The following ESCO1 variants were observed in gnomAD, a reference collection of about 807,000 sequenced individuals.
The protein encoded by ESCO1 is N-acetyltransferase ESCO1.
A neutral mutation model predicts 83.5 loss-of-function variants in ESCO1; 33 were observed. The ratio of observed to expected loss-of-function variants is 0.40; its 90% CI spans 0.30 to 0.53. The LOEUF is 0.53. Ranked by LOEUF, ESCO1 falls within the 20% of genes least tolerant of loss-of-function variation. ESCO1 has a pLI of 0.63. For missense variants in ESCO1, 855 were observed against 968.0 expected, an observed-to-expected ratio of 0.88 and a Z score of 1.55; for synonymous variants, 332 against 324.3, an observed-to-expected ratio of 1.02 and a Z score of -0.25.
intron 8 of ESCO1, among the ~76,000 whole-genome samples, chr18:21,558,425 CA>C (rs2038140082): frequency 6.6e-6 from 1 of 151,984 alleles, no homozygotes; most frequent in African/African-American, 2.4e-5. Flanking sequence ...ATATTTTCTA[CA>C]GAATGTTTGA....
intron 7 of ESCO1, 134 bp from the exon 8 acceptor site, chr18:21,561,124 T>C (rs2038180475): frequency 1.2e-6 from 1 of 832,634 alleles, no homozygotes; most frequent in East Asian, 3.2e-5. Context: ...TGTTAATTAC[T>C]AAAAATAACA....
At chr18:21,596,673 A>T (rs2038771950) in intron 1 of ESCO1, among the ~76,000 whole-genome samples, 1 of 152,060 alleles carries the variant, frequency 6.6e-6, no homozygotes, top group Admixed American at 6.6e-5. Flanking sequence ...TCTCCACAAA[A>T]ATATAAAAAA....
At chr18:21,562,655 T>A (rs2038203876) in intron 7 of ESCO1, among the ~76,000 whole-genome samples, 1 of 151,242 alleles carries the variant, frequency 6.6e-6, no homozygotes. Flanking sequence ...AAAAAAAAAA[T>A]CCTACTGATT....
intron 11 of ESCO1, among the ~76,000 whole-genome samples, chr18:21,531,676 A>G (rs1374264251): frequency 6.6e-5 from 10 of 151,948 alleles, no homozygotes; most frequent in African/African-American, 2.4e-4. Context: ...AAAATTGGCC[A>G]GATGCAGTGG....
At chr18:21,590,117 G>A (rs2146231324) in intron 1 of ESCO1, among the ~76,000 whole-genome samples, 2 of 151,968 alleles carry the variant, frequency 1.3e-5, no homozygotes, top group East Asian at 3.9e-4. Context: ...ATGAGCCACT[G>A]CGTCCGGCCG....
chr18:21,577,613 T>C (rs1373315824), intron 2 of ESCO1, among the ~76,000 whole-genome samples: 7 of 149,758 alleles, frequency 4.7e-5, no homozygotes, highest in African/African-American at 1.5e-4. Flanking sequence ...TGAGCCAAGA[T>C]TGCACCACTG....
At chr18:21,548,781 A>G (rs2038007417) in intron 8 of ESCO1, among the ~76,000 whole-genome samples, 1 of 152,146 alleles carries the variant, frequency 6.6e-6, no homozygotes, top group Admixed American at 6.5e-5. Context: ...CTCTACAAAA[A>G]GTAAAATAAT....
intron 8 of ESCO1, among the ~76,000 whole-genome samples, chr18:21,540,211 AATTT>A (rs2037888223): frequency 6.6e-6 from 1 of 152,184 alleles, no homozygotes; most frequent in African/African-American, 2.4e-5. Flanking sequence ...AAGGCAAGCT[AATTT>A]CTCTCTACTA....
intron 2 of ESCO1, among the ~76,000 whole-genome samples, 191 bp downstream of exon 2, chr18:21,584,119 G>A (rs949795035): frequency 1.3e-5 from 2 of 152,086 alleles, no homozygotes; most frequent in Non-Finnish European, 2.9e-5. Context: ...AGAACTACTA[G>A]ACCAAGTACC....
chr18:21,573,692 T>C lies in ESCO1; in HGVS notation c.1152A>G (p.Ser384=). ...TAGTCCAGTTGGAGTTCTTCTTGGCTGAGCTGTTTATTCCATTTAGTATAC... is the reference window on the plus strand; with the variant it reads ...TAGTCCAGTTGGAGTTCTTCTTGGCCGAGCTGTTTATTCCATTTAGTATAC... ...VKCILNGINS[S]AKKNSNWTKI... Residue 384 remains serine, a synonymous_variant, in exon 4 of 12, where the codon TCA becomes TCG. Transcript: ENST00000269214. 6.2e-7 allele frequency: 1 copy of C among 1,614,162 alleles called. No individual in the cohort carries two copies. Among genetic ancestry groups the C allele is most frequent in the Non-Finnish European group, 8.5e-7 (1 of 1,180,010 alleles).
chr18:21,588,870 AAC>A (rs2038620210), intron 1 of ESCO1, among the ~76,000 whole-genome samples: 1 of 152,172 alleles, frequency 6.6e-6, no homozygotes, highest in African/African-American at 2.4e-5. Flanking sequence ...CAAGCTGGGC[AAC>A]AGAGTGAGAC....
intron 2 of ESCO1, among the ~76,000 whole-genome samples, chr18:21,580,049 C>T (rs908976387): frequency 6.6e-6 from 1 of 151,612 alleles, no homozygotes; most frequent in African/African-American, 2.4e-5. Flanking sequence ...GCACGCACCA[C>T]CACACCCAGC....
rs530277173 is a variant in ESCO1, at chr18:21,538,002, TA to T, written c.2044-1818del. On this transcript the variant is annotated intron_variant, in intron 9 of 11. Transcript: ENST00000269214. ...AGATGAACCATGTAGCCTAGAAACATAAAAAAAAAAAAATCAAGAAAAGGTT... is the reference window on the plus strand; with the variant it reads ...AGATGAACCATGTAGCCTAGAAACATAAAAAAAAAAAATCAAGAAAAGGTT... Among the ~76,000 whole-genome samples, 689 of 136,406 alleles carry T rather than the reference TA, an allele frequency of 5.1e-3. 4 individuals are homozygous for T. Among genetic ancestry groups the T allele is most frequent in the Middle Eastern group, 0.012 (3 of 260 alleles). The allele number at this position is 136,406 out of a possible 152,430, so 89.5% of individuals were successfully genotyped here.
intron 2 of ESCO1, among the ~76,000 whole-genome samples, chr18:21,579,794 GCACACACACACA>G (rs765904584): frequency 0.034 from 1,276 of 37,144 alleles, 29 homozygotes; most frequent in Non-Finnish European, 0.06. Flanking sequence ...ACGCGCGCGC[GCACACACACACA>G]CACACACACA....
rs532721263 is a variant in ESCO1, at chr18:21,532,359, T to C, written c.2375+114A>G. 2.6e-6 allele frequency: 3 copies of C among 1,172,212 alleles called. No homozygotes were observed. The South Asian group carries it at 5.0e-5, about 19-fold the overall frequency. 72.6% of individuals were successfully genotyped at this position (1,172,212 alleles called of 1,614,324 possible). On this transcript the variant is annotated intron_variant, in intron 11 of 11. Transcript: ENST00000269214. ...CACTGATAACCTCATGCAAAATTTG[T>C]AATTAATACAAATAAAGATTATACG... is the stretch of plus-strand genomic sequence containing the variant.
chr18:21,592,993 G>C (rs1300968534), intron 1 of ESCO1: 1 of 163,176 alleles, frequency 6.1e-6, no homozygotes, highest in East Asian at 1.9e-4. Context: ...TCAGACGATG[G>C]GCGGCCGGGC....
intron 10 of ESCO1, 74 bp from the exon 11 acceptor site, chr18:21,532,734 C>T: frequency 1.4e-6 from 2 of 1,419,214 alleles, no homozygotes; most frequent in South Asian, 1.4e-5. Flanking sequence ...CTGGTTGAGG[C>T]GGTTATGACA....
At chr18:21,594,963 G>A (rs1021550010) in intron 1 of ESCO1, among the ~76,000 whole-genome samples, 2 of 143,250 alleles carry the variant, frequency 1.4e-5, no homozygotes, top group Non-Finnish European at 3.1e-5. Flanking sequence ...GTGTGTGTGT[G>A]TGTATCTTTT....
chr18:21,537,947 T>G (rs1339638374), intron 9 of ESCO1, among the ~76,000 whole-genome samples: 4 of 152,064 alleles, frequency 2.6e-5, no homozygotes, highest in East Asian at 1.9e-4. Context: ...AAAATTTTTT[T>G]GGGAATTGTG....
Sources: gnomAD v4.1 joint callset for allele counts (sites outside exome capture counted in the v4.1 genomes callset) on GRCh38, gnomAD v4.1.1 for gene constraint, MANE v1.5 for transcripts, NCBI Gene and HGNC (gene_info 2026-07-23, HGNC 2026-07-21) for gene names.